The following MSANTD3 variants were observed in gnomAD, a reference collection of about 807,000 sequenced individuals.
MSANTD3 encodes the protein Myb/SANT DNA binding domain containing 3, also known as myb/SANT-like DNA-binding domain-containing protein 3.
MSANTD3 carries 11 observed loss-of-function variants against 27.7 expected under a neutral mutation model. That is an observed-to-expected ratio of 0.40 (90% confidence interval 0.25 to 0.66). MSANTD3 has a LOEUF of 0.66. Ranked by LOEUF, MSANTD3 falls within the 30% of genes least tolerant of loss-of-function variation. MSANTD3 has a pLI of 0.41. For missense variants in MSANTD3, 250 were observed against 336.5 expected (o/e 0.74, Z 2.01); for synonymous variants, 131 against 127.2 (o/e 1.03, Z -0.20).
At chr9:100,437,634 A>G (rs1778413640) in intron 1 of MSANTD3, among the ~76,000 whole-genome samples, 1 of 152,204 alleles carries the variant, frequency 6.6e-6, no homozygotes, top group South Asian at 2.1e-4. Context: ...GCTGTTCTAC[A>G]AAATTAAGCA....
intron 2 of MSANTD3, chr9:100,448,931 C>G: frequency 4.1e-6 from 4 of 985,120 alleles, no homozygotes; most frequent in Non-Finnish European, 4.8e-6. Flanking sequence ...TACTTTACCT[C>G]TTGGAGTGGA....
At chr9:100,450,049 G>A (rs1377231803) in intron 2 of MSANTD3, among the ~76,000 whole-genome samples, 1 of 152,172 alleles carries the variant, frequency 6.6e-6, no homozygotes, top group Non-Finnish European at 1.5e-5. Context: ...GCATTTACAA[G>A]ATGGCTCTCC....
intron 1 of MSANTD3, among the ~76,000 whole-genome samples, chr9:100,439,848 G>A (rs1196269479): frequency 6.6e-6 from 1 of 151,978 alleles, no homozygotes; most frequent in Non-Finnish European, 1.5e-5. Flanking sequence ...TGATTGGTCA[G>A]TTTTAAATGG....
intron 2 of MSANTD3, chr9:100,448,833 A>C: frequency 1.0e-6 from 1 of 985,338 alleles, no homozygotes; most frequent in Non-Finnish European, 1.2e-6. Context: ...ATGGCACCGA[A>C]GTACTTTTTC....
chr9:100,432,076 G>A (rs759393572), intron 1 of MSANTD3, among the ~76,000 whole-genome samples: 1 of 152,086 alleles, frequency 6.6e-6, no homozygotes. Context: ...ATGGGAAAGT[G>A]GGGGAGACCT....
chr9:100,438,041 T>C (rs962813149), intron 1 of MSANTD3, among the ~76,000 whole-genome samples: 1 of 152,126 alleles, frequency 6.6e-6, no homozygotes, highest in African/African-American at 2.4e-5. Flanking sequence ...TCCCCACAAG[T>C]CCACCACCAC....
At chr9:100,427,462 T>A (rs1197277224) in intron 1 of MSANTD3, 69 bp downstream of exon 1, 2 of 145,778 alleles carry the variant, frequency 1.4e-5, no homozygotes, top group Non-Finnish European at 3.0e-5. Context: ...GGGCCGGGCG[T>A]AGAGGGGGCC....
chr9:100,434,472 G>A (rs1364902188), intron 1 of MSANTD3, among the ~76,000 whole-genome samples: 4 of 152,172 alleles, frequency 2.6e-5, no homozygotes. Context: ...GGAGGTTGCA[G>A]TGAGCCGAGA....
chr9:100,449,037 G>C (rs1376179510), intron 2 of MSANTD3: 1 of 985,176 alleles, frequency 1.0e-6, no homozygotes, highest in South Asian at 4.7e-5. Context: ...TCATCTTCCA[G>C]AATAACGGAG....
chr9:100,450,185 A>T (rs1193854460), intron 2 of MSANTD3, among the ~76,000 whole-genome samples: 2 of 151,694 alleles, frequency 1.3e-5, no homozygotes, highest in Non-Finnish European at 2.9e-5. Context: ...ACTTAATTTG[A>T]AGATCCACAC....
At chr9:100,431,243 C>T (rs1398758232) in intron 1 of MSANTD3, among the ~76,000 whole-genome samples, 2 of 151,208 alleles carry the variant, frequency 1.3e-5, no homozygotes, top group South Asian at 2.1e-4. Flanking sequence ...CTCAGGTGCT[C>T]CTCCCACCTC....
intron 2 of MSANTD3, chr9:100,448,825 GGCACCGAA>G: frequency 1.0e-6 from 1 of 985,352 alleles, no homozygotes; most frequent in Non-Finnish European, 1.2e-6. Context: ...ATTTCTGGAT[GGCACCGAA>G]GTACTTTTTC....
chr9:100,433,062 C>T (rs1836407792), intron 1 of MSANTD3, among the ~76,000 whole-genome samples: 2 of 152,018 alleles, frequency 1.3e-5, no homozygotes, highest in Non-Finnish European at 2.9e-5. Context: ...ATGGTACAGT[C>T]GGGGAGGCTT....
At chr9:100,450,369 T>C (rs923871521) in intron 2 of MSANTD3, among the ~76,000 whole-genome samples, 188 bp from the exon 3 acceptor site, 6 of 152,150 alleles carry the variant, frequency 3.9e-5, no homozygotes, top group Non-Finnish European at 8.8e-5. Context: ...TAAGAAAAAA[T>C]TGCTTTTGAT....
At chr9:100,448,699 A>G in intron 2 of MSANTD3, 1 of 985,422 alleles carries the variant, frequency 1.0e-6, no homozygotes, top group Non-Finnish European at 1.2e-6. Flanking sequence ...GTAAACTGCC[A>G]GTTTTAACAA....
At chr9:100,449,638 T>C (rs1206288945) in intron 2 of MSANTD3, among the ~76,000 whole-genome samples, 2 of 151,974 alleles carry the variant, frequency 1.3e-5, no homozygotes, top group African/African-American at 4.8e-5. Flanking sequence ...TGTGAGTAGC[T>C]TGTGGTAGGA....
At chr9:100,448,564 C>T (rs926187702) in intron 2 of MSANTD3, 2 of 985,274 alleles carry the variant, frequency 2.0e-6, no homozygotes, top group Non-Finnish European at 2.4e-6. Flanking sequence ...TGACCCACTG[C>T]ACGTAATTCA....
At position 100,427,183 on chromosome 9, in the gene MSANTD3, C is replaced by T. The variant is rs1836262748; in HGVS notation, c.-244C>T. On this transcript the variant is annotated 5_prime_UTR_variant, in exon 1 of 3. Transcript: ENST00000395067. ...GGACCGGCAGGCGGCGGGCGGTCCGCGAGGGGGCGGCGGCGTCCGGGCTTT... is the reference window on the plus strand; with the variant it reads ...GGACCGGCAGGCGGCGGGCGGTCCGTGAGGGGGCGGCGGCGTCCGGGCTTT... The T allele has an allele frequency of 6.8e-6, 1 of 146,476 alleles. No homozygotes were observed. The highest frequency in any genetic ancestry group is 6.8e-5 in the Admixed American group (1 of 14,790). The allele number at this position is 146,476 out of a possible 1,614,324, so 9.1% of individuals were successfully genotyped here. A position where few individuals can be genotyped will look rare whatever the true frequency, so the allele number is the denominator to read the frequency against.
chr9:100,430,230 A>C (rs1836339463), intron 1 of MSANTD3, among the ~76,000 whole-genome samples: 1 of 151,918 alleles, frequency 6.6e-6, no homozygotes, highest in African/African-American at 2.4e-5. Flanking sequence ...GCTTAACAAA[A>C]ATTGCATGAG....
Sources: allele counts gnomAD v4.1 joint callset (sites outside exome capture counted in the v4.1 genomes callset), GRCh38; gene constraint gnomAD v4.1.1; transcripts MANE v1.5; gene names NCBI Gene and HGNC (gene_info 2026-07-23, HGNC 2026-07-21).